PRR14: variants seen among roughly 807,000 people sequenced by gnomAD.
PRR14 encodes the protein proline rich 14.
In PRR14, 33 loss-of-function variants were observed where a neutral mutation model predicts 57.2. The ratio of observed to expected loss-of-function variants is 0.58; its 90% confidence interval spans 0.44 to 0.77. PRR14 has a LOEUF of 0.77. Ranked by LOEUF, PRR14 falls within the 30% of genes least tolerant of loss-of-function variation. The probability of loss-of-function intolerance (pLI) is 0.00; values close to 1 mark genes in which losing one functional copy is unlikely to be tolerated. For synonymous variants in PRR14, 303 were observed against 314.7 expected, an observed-to-expected ratio of 0.96 and a Z score of 0.39; for missense variants, 716 against 788.1, an observed-to-expected ratio of 0.91 and a Z score of 1.10.
At position 30,651,365 on chromosome 16, in the gene PRR14, G is replaced by A; in HGVS notation, c.-50-231G>A. 1 of 460,302 alleles carries A rather than the reference G, an allele frequency of 2.2e-6. No individual in the cohort carries two copies. The highest frequency in any genetic ancestry group is 3.9e-6 in the Non-Finnish European group (1 of 255,318). The allele number at this position is 460,302 out of a possible 1,614,324, so 28.5% of individuals were successfully genotyped here. ...CTCGGGCCGCGGGAGAACTGGGGCC[G>A]CTGCATTCTGGGTTCTGGCGGCAGG... is the stretch of plus-strand genomic sequence containing the variant. On this transcript the variant is annotated intron_variant, in intron 1 of 11. Transcript: ENST00000300835. The surrounding 1 kb of genome is among the most constrained non-coding windows in gnomAD (Gnocchi z 5.0).
rs536273621 is a variant in PRR14 at position 30,652,726 on chromosome 16, C to T, written c.198C>T (p.Pro66=). 6.2e-6 allele frequency: 10 copies of T among 1,614,172 alleles called. No individual in the cohort carries two copies. Among genetic ancestry groups the T allele is most frequent in the East Asian group, 4.5e-5 (2 of 44,878 alleles). Residue 66 remains proline (P), a synonymous_variant, in exon 4 of 12, where the codon CCC becomes CCT. Coordinates refer to ENST00000300835, the MANE Select transcript of PRR14 (RefSeq NM_024031.5). ...GACACCTCTTTCTCTTCCAGGTCCC[C>T]GTGGTGCCCTCAAAGCAGACCTCCA... The part of the protein sequence containing the change: ...LEDVMAVHMV[P]VVPSKQTSIP...
At position 30,652,711 on chromosome 16, in the gene PRR14, T is replaced by C; in HGVS notation, c.193-10T>C. 2 of 1,614,104 alleles carry C rather than the reference T, an allele frequency of 1.2e-6. No individual in the cohort carries two copies. Among genetic ancestry groups the C allele is most frequent in the Non-Finnish European group, 1.7e-6 (2 of 1,180,012 alleles). ...TATCACCTTGCTCTTGACACCTCTT[T>C]CTCTTCCAGGTCCCCGTGGTGCCCT... On this transcript the variant is annotated splice_polypyrimidine_tract_variant and intron_variant, in intron 3 of 11. Coordinates refer to ENST00000300835, the MANE Select transcript of PRR14 (RefSeq NM_024031.5).
Position 30,654,688 on chromosome 16 carries a change from C to T in PRR14, c.718C>T (p.Arg240Cys), listed in dbSNP as rs746088400. ...TPPPSSLLRP[R>C]LSPWGLAPLF... ...ACCACCGTCCAGCCTTTTACGCCCC[C>T]GCCTCAGTCCCTGGGGCTTGGCCCC... Residue 240 changes from arginine to cysteine, a missense_variant, in exon 8 of 12, where the codon CGC (arginine) becomes TGC (cysteine). Arg to Cys is a radical substitution (Grantham distance 180). Transcript: ENST00000300835. The T allele has an allele frequency of 5.3e-5, 86 of 1,613,730 alleles. No individual in the cohort carries two copies. The highest frequency in any genetic ancestry group is 7.2e-5 in the Non-Finnish European group (85 of 1,179,886).
At position 30,651,691 on chromosome 16, in the gene PRR14, C is replaced by T; in HGVS notation, c.23+23C>T. 6.2e-7 allele frequency: 1 copy of T among 1,612,220 alleles called. No individual in the cohort carries two copies. Among genetic ancestry groups the T allele is most frequent in the Non-Finnish European group, 8.5e-7 (1 of 1,179,642 alleles). On this transcript the variant is annotated intron_variant, in intron 2 of 11. Transcript: ENST00000300835. The surrounding 1 kb of genome is among the most constrained non-coding windows in gnomAD (Gnocchi z 5.0). ...CAGGTGAGAGCGTACCCGGGCGGCC[C>T]GCCTGTCTTGACCCCGGGAGATGGG...
rs777624718 is a variant in PRR14 at position 30,654,965 on chromosome 16, A to G, written c.995A>G (p.Tyr332Cys). Residue 332 changes from tyrosine (Y) to cysteine (C), a missense_variant, in exon 8 of 12, where the codon TAC becomes TGC. Coordinates refer to ENST00000300835, the MANE Select transcript of PRR14 (RefSeq NM_024031.5). ...LLPKPSLGRSYSCPDLGPPGP... is the reference protein window; with the variant it reads ...LLPKPSLGRSCSCPDLGPPGP... ...CCTAAGCCCTCTCTGGGCCGAAGCT[A>G]CTCCTGCCCTGATCTGGGGCCCCCT... 4 of 1,610,892 alleles carry G rather than the reference A, an allele frequency of 2.5e-6. No homozygotes were observed. The highest frequency in any genetic ancestry group is 2.2e-5 in the South Asian group (2 of 91,068).
chr16:30,652,808 C>A lies in PRR14; in HGVS notation c.280C>A (p.Pro94Thr), dbSNP rs753630933. Residue 94 changes from proline (P) to threonine (T), a missense_variant, in exon 4 of 12, where the codon CCA becomes ACA. Coordinates refer to ENST00000300835, the MANE Select transcript of PRR14 (RefSeq NM_024031.5). ...DPVHRQPPAS[P>T]PRQAGWSSQA... is the part of the protein sequence containing the mutation. ...TGTCCACAGGCAGCCGCCTGCCTCG[C>A]CACCCCGGCAGGCCGGGTGGTCCTC... is the stretch of plus-strand genomic sequence containing the variant. 1 of 1,614,228 alleles carries A rather than the reference C, an allele frequency of 6.2e-7. No homozygotes were observed. The highest frequency in any genetic ancestry group is 8.5e-7 in the Non-Finnish European group (1 of 1,180,046).
Position 30,654,342 on chromosome 16 carries a change from A to G in PRR14, c.658+3A>G. The stretch of plus-strand genomic sequence containing the variant: ...CCCTCTGGAGAGCCCACCAACAGGT[A>G]AGGACTTGGGTAGAGATCGGATGAG... On this transcript the variant is annotated splice_donor_region_variant and intron_variant, in intron 7 of 11. Coordinates refer to ENST00000300835, the MANE Select transcript of PRR14 (RefSeq NM_024031.5). 1 of 1,608,056 alleles carries G rather than the reference A, an allele frequency of 6.2e-7. No homozygotes were observed. The highest frequency in any genetic ancestry group is 2.2e-5 in the East Asian group (1 of 44,846).
In PRR14 at chr16:30,652,820, G is replaced by C. The variant is rs930124373; in HGVS notation, c.292G>C (p.Ala98Pro). The part of the protein sequence containing the change: ...RQPPASPPRQ[A>P]GWSSQARPPD... Reference sequence around the variant, plus strand: ...GCCGCCTGCCTCGCCACCCCGGCAGGCCGGGTGGTCCTCGCAGGCCAGGTG... The same window carrying C: ...GCCGCCTGCCTCGCCACCCCGGCAGCCCGGGTGGTCCTCGCAGGCCAGGTG... The change falls in exon 4 of 12, where the codon GCC becomes CCC. Residue 98 changes from alanine to proline, a missense_variant. Physicochemically the swap from Ala to Pro is conservative, Grantham distance 27. Coordinates refer to ENST00000300835, the MANE Select transcript of PRR14 (RefSeq NM_024031.5). 15 of 1,614,076 alleles carry C rather than the reference G, an allele frequency of 9.3e-6. No homozygotes were observed. Among genetic ancestry groups the C allele is most frequent in the Middle Eastern group, 3.3e-4 (2 of 6,084 alleles).
At position 30,656,154 on chromosome 16, in the gene PRR14, C is replaced by G; in HGVS notation, c.1601C>G (p.Pro534Arg). 6.3e-7 allele frequency: 1 copy of G among 1,587,326 alleles called. No individual in the cohort carries two copies. Among genetic ancestry groups the G allele is most frequent in the Non-Finnish European group, 8.6e-7 (1 of 1,168,032 alleles). The change falls in exon 12 of 12, where the codon CCG (proline) becomes CGG (arginine). Residue 534 changes from proline (P) to arginine (R), a missense_variant. Physicochemically the swap from Pro to Arg is moderately radical, Grantham distance 103 (BLOSUM62 -2). Coordinates refer to ENST00000300835, the MANE Select transcript of PRR14 (RefSeq NM_024031.5). ...AGCAGCCTTCCTCGATCACGAAGAC[C>G]GTCCCGTGGGGTCCGGGCTGCAGGG... ...RDSSLPRSRR[P>R]SRGVRAAGGR...
intron 6 of PRR14, among the ~76,000 whole-genome samples, chr16:30,653,916 G>A (rs906261235): frequency 5.9e-5 from 9 of 152,090 alleles, no homozygotes; most frequent in African/African-American, 9.7e-5. Context: ...CACCCACCTC[G>A]GCCTCCCAAA....
At position 30,650,999 on chromosome 16, in the gene PRR14, C is replaced by A. The variant is rs1356786740; in HGVS notation, c.-179C>A. 2.2e-6 allele frequency: 1 copy of A among 456,106 alleles called. No individual in the cohort carries two copies. Among genetic ancestry groups the A allele is most frequent in the Admixed American group, 2.3e-5 (1 of 42,576 alleles). The allele number at this position is 456,106 out of a possible 1,614,324, so 28.3% of individuals were successfully genotyped here. A position where few individuals can be genotyped will look rare whatever the true frequency, so the allele number is the denominator to read the frequency against. On this transcript the variant is annotated 5_prime_UTR_variant, in exon 1 of 12. Transcript: ENST00000300835. ...GAGGGTATCTGCTTGACAGTGGATC[C>A]CTGGGGATCTACGCTGAGTTCGGAG...
chr16:30,651,388 A>G lies in PRR14; in HGVS notation c.-50-208A>G. The G allele has an allele frequency of 2.1e-6, 1 of 470,090 alleles. No individual in the cohort carries two copies. The highest frequency in any genetic ancestry group is 3.3e-5 in the South Asian group (1 of 30,710). 29.1% of individuals were successfully genotyped at this position (470,090 alleles called of 1,614,324 possible). ...CCGCTGCATTCTGGGTTCTGGCGGC[A>G]GGTGCCAGGCAGGGCGCGAGTGATC... On this transcript the variant is annotated intron_variant, in intron 1 of 11. Coordinates refer to ENST00000300835, the MANE Select transcript of PRR14 (RefSeq NM_024031.5). This position sits in a 1 kb window ranked among gnomAD's most constrained non-coding sequence, Gnocchi z 5.0.
chr16:30,651,875 C>A lies in PRR14; in HGVS notation c.103C>A (p.Leu35Met). ...WGARSPKRPR[L>M]QLPGAPSPLE... ...AGCCAGGAGCCCGAAACGGCCGAGG[C>A]TGCAGCTCCCGGGGGCCCCTTCTCC... The change falls in exon 3 of 12, where the codon CTG becomes ATG. Residue 35 changes from leucine (L) to methionine (M), a missense_variant. Coordinates refer to ENST00000300835, the MANE Select transcript of PRR14 (RefSeq NM_024031.5). The surrounding 1 kb of genome is among the most constrained non-coding windows in gnomAD (Gnocchi z 5.0). 1 of 1,607,114 alleles carries A rather than the reference C, an allele frequency of 6.2e-7. No individual in the cohort carries two copies. Among genetic ancestry groups the A allele is most frequent in the Admixed American group, 1.7e-5 (1 of 59,710 alleles).
chr16:30,651,041 C>G lies in PRR14; in HGVS notation c.-137C>G. On this transcript the variant is annotated 5_prime_UTR_variant, in exon 1 of 12. Transcript: ENST00000300835. This position sits in a 1 kb window ranked among gnomAD's most constrained non-coding sequence, Gnocchi z 5.0. ...AGTTCGGAGATGCTCCAGCTCGGGC[C>G]GCCCCTGTCTGAGCGGAGCTTTGCG... 1 of 456,446 alleles carries G rather than the reference C, an allele frequency of 2.2e-6. No individual in the cohort carries two copies. Among genetic ancestry groups the G allele is most frequent in the Middle Eastern group, 3.3e-4 (1 of 3,074 alleles). 28.3% of individuals were successfully genotyped at this position (456,446 alleles called of 1,614,324 possible). A position where few individuals can be genotyped will look rare whatever the true frequency, so the allele number is the denominator to read the frequency against.
Position 30,651,993 on chromosome 16 carries a change from A to G in PRR14, c.192+29A>G. 1 of 1,519,574 alleles carries G rather than the reference A, an allele frequency of 6.6e-7. No individual in the cohort carries two copies. The highest frequency in any genetic ancestry group is 1.4e-5 in the African/African-American group (1 of 71,766). The allele number at this position is 1,519,574 out of a possible 1,614,324, so 94.1% of individuals were successfully genotyped here. On this transcript the variant is annotated intron_variant, in intron 3 of 11. Coordinates refer to ENST00000300835, the MANE Select transcript of PRR14 (RefSeq NM_024031.5). This position sits in a 1 kb window ranked among gnomAD's most constrained non-coding sequence, Gnocchi z 5.0. ...AGCCCCCTGAACCAAGAGACTCTCT[A>G]TTCCCCCATGACTTTCCTCACTACC...
chr16:30,654,859 G>A lies in PRR14; in HGVS notation c.889G>A (p.Ala297Thr), dbSNP rs767114274. 5.6e-6 allele frequency: 9 copies of A among 1,610,200 alleles called. No individual in the cohort carries two copies. In the African/African-American group the frequency reaches 1.2e-4, roughly 22 times the overall value. Residue 297 changes from alanine (A) to threonine (T), a missense_variant, in exon 8 of 12, where the codon GCT becomes ACT. Coordinates refer to ENST00000300835, the MANE Select transcript of PRR14 (RefSeq NM_024031.5). ...CTCAGAGGCCGAGCAGTCTGGGGCT[G>A]CTGAGGGCACTGCGTCTGTCAGCCC... ...AISEAEQSGA[A>T]EGTASVSPRP...
Position 30,655,981 on chromosome 16 carries a change from G to T in PRR14, c.1478+42G>T. The T allele has an allele frequency of 6.2e-7, 1 of 1,606,578 alleles. No individual in the cohort carries two copies. Reference sequence around the variant, plus strand: ...GCTAGAGGGTGGCAGAGGGAAATCTGGAGCTGTGGAGCACCCTGATAAAAC... The same window carrying T: ...GCTAGAGGGTGGCAGAGGGAAATCTTGAGCTGTGGAGCACCCTGATAAAAC... On this transcript the variant is annotated intron_variant, in intron 11 of 11. Transcript: ENST00000300835. The surrounding 1 kb of genome is among the most constrained non-coding windows in gnomAD (Gnocchi z 4.6).
chr16:30,655,992 G>A lies in PRR14; in HGVS notation c.1479-40G>A, dbSNP rs772796643. 17 of 1,601,940 alleles carry A rather than the reference G, an allele frequency of 1.1e-5. No individual in the cohort carries two copies. In the South Asian group the frequency reaches 1.8e-4, roughly 17 times the overall value. On this transcript the variant is annotated intron_variant, in intron 11 of 11. Coordinates refer to ENST00000300835, the MANE Select transcript of PRR14 (RefSeq NM_024031.5). The surrounding 1 kb of genome is among the most constrained non-coding windows in gnomAD (Gnocchi z 4.6). ...GCAGAGGGAAATCTGGAGCTGTGGA[G>A]CACCCTGATAAAACCAGCTCCTCTC...
intron 3 of PRR14, 65 bp from the exon 4 acceptor site, chr16:30,652,656 A>C (rs2052324682): frequency 3.7e-6 from 6 of 1,602,784 alleles, no homozygotes; most frequent in Middle Eastern, 1.7e-4. Flanking sequence ...TGTGAGGCAC[A>C]GGGAAACCTT....
Sources: allele counts gnomAD v4.1 joint callset (sites outside exome capture counted in the v4.1 genomes callset), GRCh38; gene constraint gnomAD v4.1.1; non-coding constraint Gnocchi (gnomAD v3.1); transcripts MANE v1.5; gene names NCBI Gene and HGNC (gene_info 2026-07-23, HGNC 2026-07-21).